Variants in MAN2A1 observed in about 807,000 individuals in gnomAD.
MAN2A1 encodes alpha-mannosidase 2.
MAN2A1 carries 76 observed loss-of-function variants against 142.6 expected under a neutral mutation model. That is an observed-to-expected ratio of 0.53 (90% CI 0.44 to 0.65). The LOEUF (loss-of-function observed/expected upper bound fraction) is 0.65, where lower values mean the gene tolerates loss of function less well. Ranked by LOEUF, MAN2A1 falls within the 30% of genes least tolerant of loss-of-function variation. MAN2A1 has a pLI of 0.00. For synonymous variants in MAN2A1, 559 were observed against 473.2 expected, an observed-to-expected ratio of 1.18 and a Z score of -2.35; for missense variants, 1,311 against 1,365.1, an observed-to-expected ratio of 0.96 and a Z score of 0.62.
At position 109,825,945 on chromosome 5, in the gene MAN2A1, C is replaced by T. The variant is rs1007215771; in HGVS notation, c.2566+2108C>T. On this transcript the variant is annotated intron_variant, in intron 16 of 21. Coordinates refer to ENST00000261483, the MANE Select transcript of MAN2A1 (RefSeq NM_002372.4). ...TTTTTTTGACAGAGTCTCGCTCTAT[C>T]GCCCAGGCTGGAGTGCAGTGGAGCG... Among the ~76,000 whole-genome samples, 12 of 122,400 alleles carry T rather than the reference C, an allele frequency of 9.8e-5. No homozygotes were observed. In the East Asian group the frequency reaches 2.1e-3, roughly 21 times the overall value. 80.3% of individuals were successfully genotyped at this position (122,400 alleles called of 152,430 possible). A position where few individuals can be genotyped will look rare whatever the true frequency, so the allele number is the denominator to read the frequency against.
At chr5:109,792,131 C>T (rs1433963505) in intron 12 of MAN2A1, among the ~76,000 whole-genome samples, 2 of 152,030 alleles carry the variant, frequency 1.3e-5, no homozygotes, top group Admixed American at 1.3e-4. Context: ...ATGGTTCTCC[C>T]TGGATGACCT....
chr5:109,848,901 T>C (rs1755407882), intron 19 of MAN2A1, among the ~76,000 whole-genome samples: 1 of 152,226 alleles, frequency 6.6e-6, no homozygotes, highest in Admixed American at 6.5e-5. Flanking sequence ...TTTCATCACT[T>C]CCTTCTCACA....
intron 12 of MAN2A1, among the ~76,000 whole-genome samples, chr5:109,791,188 T>A (rs191242747): frequency 1.3e-5 from 2 of 152,074 alleles, no homozygotes; most frequent in African/African-American, 4.8e-5. Flanking sequence ...GTTCTTTTTT[T>A]ATCAAATATT....
At chr5:109,784,296 C>T (rs943305799) in intron 9 of MAN2A1, among the ~76,000 whole-genome samples, 3 of 152,236 alleles carry the variant, frequency 2.0e-5, no homozygotes, top group East Asian at 3.9e-4. Flanking sequence ...TCCCGCTCAC[C>T]GACCATGCCT....
chr5:109,817,518 C>A, intron 13 of MAN2A1, 80 bp downstream of exon 13: 3 of 1,334,818 alleles, frequency 2.2e-6, no homozygotes, highest in Non-Finnish European at 3.1e-6. Context: ...TACAGTAGCC[C>A]CCATTTAGCC....
At chr5:109,752,980 TA>T (rs1217800102) in intron 4 of MAN2A1, among the ~76,000 whole-genome samples, 7 of 152,202 alleles carry the variant, frequency 4.6e-5, no homozygotes, top group African/African-American at 1.4e-4. Context: ...TTAAAACTAA[TA>T]TAGATGAAAA....
chr5:109,690,303 G>A lies in MAN2A1; in HGVS notation c.-115G>A. ...GGGACTCGCACCCGCATCCGAGAGC[G>A]CGGAGGTCGCGCAGCCCGGGAGAAG... is the stretch of plus-strand genomic sequence containing the variant. On this transcript the variant is annotated 5_prime_UTR_variant, in exon 1 of 22. Coordinates refer to ENST00000261483, the MANE Select transcript of MAN2A1 (RefSeq NM_002372.4). The A allele has an allele frequency of 1.8e-6, 2 of 1,090,334 alleles. No homozygotes were observed. The highest frequency in any genetic ancestry group is 2.8e-6 in the Non-Finnish European group (2 of 723,804). 67.5% of individuals were successfully genotyped at this position (1,090,334 alleles called of 1,614,324 possible). A position where few individuals can be genotyped will look rare whatever the true frequency, so the allele number is the denominator to read the frequency against.
intron 16 of MAN2A1, among the ~76,000 whole-genome samples, chr5:109,841,407 A>T (rs1465970508): frequency 3.3e-5 from 5 of 152,162 alleles, no homozygotes; most frequent in African/African-American, 1.2e-4. Flanking sequence ...TTGGTTTTCC[A>T]TTCCTGAGTT....
At chr5:109,716,829 G>T (rs765793316) in intron 3 of MAN2A1, among the ~76,000 whole-genome samples, 20 of 152,252 alleles carry the variant, frequency 1.3e-4, no homozygotes, top group Non-Finnish European at 2.6e-4. Context: ...AGTAGTATCT[G>T]TTTCAATAGG....
rs917355588 is a variant in MAN2A1 at position 109,762,200 on chromosome 5, C to G, written c.836-5335C>G. 4.6e-5 allele frequency among the ~76,000 whole-genome samples: 7 copies of G among 152,192 alleles called. No individual in the cohort carries two copies. The South Asian group carries it at 1.5e-3, about 32-fold the overall frequency. ...ATAGTAAAGTGTTTAAAGCTATCTTCTCTACAACTTTTGTATCTATCTTCT... is the reference window on the plus strand; with the variant it reads ...ATAGTAAAGTGTTTAAAGCTATCTTGTCTACAACTTTTGTATCTATCTTCT... On this transcript the variant is annotated intron_variant, in intron 5 of 21. Coordinates refer to ENST00000261483, the MANE Select transcript of MAN2A1 (RefSeq NM_002372.4).
intron 4 of MAN2A1, among the ~76,000 whole-genome samples, chr5:109,731,672 C>G (rs1014297614): frequency 1.3e-5 from 2 of 151,748 alleles, no homozygotes; most frequent in Admixed American, 6.6e-5. Flanking sequence ...TCATCCATGT[C>G]CCTACAAAGG....
intron 16 of MAN2A1, among the ~76,000 whole-genome samples, chr5:109,831,562 A>G (rs760193702): frequency 5.9e-5 from 9 of 152,182 alleles, no homozygotes; most frequent in Non-Finnish European, 1.3e-4. Context: ...AAAGGATGTT[A>G]TTTTGGTGTA....
rs1234077058 is a variant in MAN2A1 at position 109,690,560 on chromosome 5, C to T, written c.135+8C>T. 2 of 1,591,700 alleles carry T rather than the reference C, an allele frequency of 1.3e-6. No homozygotes were observed. Among genetic ancestry groups the T allele is most frequent in the Non-Finnish European group, 1.7e-6 (2 of 1,169,166 alleles). On this transcript the variant is annotated splice_region_variant and intron_variant, in intron 1 of 21. Transcript: ENST00000261483. The stretch of plus-strand genomic sequence containing the variant: ...GAGGGCTCCTTCCCTCAGGTAAGCA[C>T]CTGGGAAGGGGGCGCGGGGCTCCGA...
At chr5:109,716,938 C>A (rs1209352134) in intron 3 of MAN2A1, among the ~76,000 whole-genome samples, 1 of 152,152 alleles carries the variant, frequency 6.6e-6, no homozygotes, top group African/African-American at 2.4e-5. Context: ...AGATTCCTCC[C>A]TTCCCCCACC....
chr5:109,782,738 C>T (rs1006204470), intron 9 of MAN2A1, among the ~76,000 whole-genome samples: 1 of 151,840 alleles, frequency 6.6e-6, no homozygotes, highest in Non-Finnish European at 1.5e-5. Flanking sequence ...TACTGTTACT[C>T]GTAATATGCC....
At chr5:109,832,818 TC>T (rs1288687942) in intron 16 of MAN2A1, among the ~76,000 whole-genome samples, 19 of 150,498 alleles carry the variant, frequency 1.3e-4, no homozygotes, top group Non-Finnish European at 2.7e-4. Flanking sequence ...GTGGGGGCTG[TC>T]CCCCACCTCC....
intron 3 of MAN2A1, among the ~76,000 whole-genome samples, chr5:109,720,483 T>C (rs1395725422): frequency 6.6e-6 from 1 of 152,166 alleles, no homozygotes; most frequent in African/African-American, 2.4e-5. Context: ...CATGAGGAAA[T>C]CAGTGTAATA....
chr5:109,730,923 G>C (rs1437252816), intron 4 of MAN2A1, among the ~76,000 whole-genome samples: 1 of 152,118 alleles, frequency 6.6e-6, no homozygotes. Context: ...GTGATTTGAA[G>C]TGCAATCTTT....
chr5:109,855,141 A>G lies in MAN2A1; in HGVS notation c.2978A>G (p.Glu993Gly). The change falls in exon 20 of 22, where the codon GAA becomes GGA. Residue 993 changes from glutamate (E) to glycine (G), a missense_variant and splice_region_variant. Glu to Gly is a moderately conservative substitution (Grantham distance 98). Coordinates refer to ENST00000261483, the MANE Select transcript of MAN2A1 (RefSeq NM_002372.4). ...LLEKRSAVNTEEEKKSVSYPS... is the reference protein window; with the variant it reads ...LLEKRSAVNTGEEKKSVSYPS... ...AACATTTTTGTTTTTTCTTGATAGG[A>G]AGAAGAAAAGAAGTCGGTCAGTTAT... is the stretch of plus-strand genomic sequence containing the variant. The G allele has an allele frequency of 4.6e-6, 7 of 1,529,770 alleles. No individual in the cohort carries two copies. Among genetic ancestry groups the G allele is most frequent in the Non-Finnish European group, 6.1e-6 (7 of 1,145,666 alleles). 94.8% of individuals were successfully genotyped at this position (1,529,770 alleles called of 1,614,324 possible). A position where few individuals can be genotyped will look rare whatever the true frequency, so the allele number is the denominator to read the frequency against.
Sources: gnomAD v4.1 joint callset for allele counts (sites outside exome capture counted in the v4.1 genomes callset) on GRCh38, gnomAD v4.1.1 for gene constraint, MANE v1.5 for transcripts, NCBI Gene and HGNC (gene_info 2026-07-23, HGNC 2026-07-21) for gene names.